Variants in COBL observed in about 807,000 individuals in gnomAD.
COBL encodes the protein protein cordon-bleu.
Under a neutral mutation model 98.8 loss-of-function variants are expected in COBL, and 51 were observed. The ratio of observed to expected loss-of-function variants is 0.52; its 90% CI spans 0.41 to 0.65. The LOEUF (loss-of-function observed/expected upper bound fraction) is 0.65. COBL is among the 30% of genes least tolerant of loss of function. The pLI is 0.00. For missense variants in COBL, 1,617 were observed against 1,617.5 expected (o/e 1.00, Z 0.01); for synonymous variants, 634 against 651.7 (o/e 0.97, Z 0.41).
intron 7 of COBL, among the ~76,000 whole-genome samples, chr7:51,079,947 T>C (rs12719028): frequency 0.3 from 46,110 of 152,198 alleles, 7,493 homozygotes; most frequent in Non-Finnish European, 0.38. Context: ...TCCAGGTAAA[T>C]GTGGTTTTCA....
At chr7:51,052,825 T>C (rs1208778023) in intron 7 of COBL, among the ~76,000 whole-genome samples, 1 of 152,228 alleles carries the variant, frequency 6.6e-6, no homozygotes, top group Non-Finnish European at 1.5e-5. Context: ...CCTTTTATCA[T>C]CAGAACTCTA....
chr7:51,051,487 C>T (rs1790231398), intron 7 of COBL, among the ~76,000 whole-genome samples: 1 of 152,150 alleles, frequency 6.6e-6, no homozygotes, highest in Non-Finnish European at 1.5e-5. Flanking sequence ...TTTTAAAGTT[C>T]TGTTCTATTT....
Position 51,122,241 on chromosome 7 carries a change from C to T in COBL, c.957+13917G>A, listed in dbSNP as rs118190248. Among the ~76,000 whole-genome samples, 999 of 152,326 alleles carry T rather than the reference C, an allele frequency of 6.6e-3. 3 individuals carry two copies. Among genetic ancestry groups the T allele is most frequent in the Non-Finnish European group, 0.011 (729 of 68,036 alleles). On this transcript the variant is annotated intron_variant, in intron 6 of 12. Coordinates refer to ENST00000265136, the MANE Select transcript of COBL (RefSeq NM_015198.5). ...GGTAGACGTTAAGCAACTAAAATAG[C>T]TCCAGCTTCCTTTCTCTGCACACTG...
rs184397956 is a variant in COBL, at chr7:51,127,357, C to A, written c.957+8801G>T. 3.4e-3 allele frequency among the ~76,000 whole-genome samples: 514 copies of A among 152,334 alleles called. 3 individuals carry two copies. Among genetic ancestry groups the A allele is most frequent in the African/African-American group, 0.011 (475 of 41,576 alleles). On this transcript the variant is annotated intron_variant, in intron 6 of 12. Coordinates refer to ENST00000265136, the MANE Select transcript of COBL (RefSeq NM_015198.5). ...CCCCAGCTTGTTAGGCTGCTGCCCACAACTAAACAGCGGAGCATGACTTAT... is the reference window on the plus strand; with the variant it reads ...CCCCAGCTTGTTAGGCTGCTGCCCAAAACTAAACAGCGGAGCATGACTTAT...
rs558280492 is a variant in COBL at position 51,123,904 on chromosome 7, C to T, written c.957+12254G>A. Among the ~76,000 whole-genome samples, 7 of 152,272 alleles carry T rather than the reference C, an allele frequency of 4.6e-5. No homozygotes were observed. In the South Asian group the frequency reaches 1.5e-3, roughly 32 times the overall value. ...GCACCCCCCTCTGCCAAGTGTTACACAACTCTCTTGGATTGAATCAGCATC... is the reference window on the plus strand; with the variant it reads ...GCACCCCCCTCTGCCAAGTGTTACATAACTCTCTTGGATTGAATCAGCATC... On this transcript the variant is annotated intron_variant, in intron 6 of 12. Transcript: ENST00000265136.
rs1327956793 is a variant in COBL, at chr7:51,263,246, C to CTTT, written c.42-43303_42-43302insAAA. ...AAAGGTGCAAGAGACACCCTCCAGC[C>CTTT]CTAGGCTCCTATGAGCAAGAGCACA... On this transcript the variant is annotated intron_variant, in intron 1 of 12. Transcript: ENST00000265136. 1.6e-3 allele frequency among the ~76,000 whole-genome samples: 238 copies of CTTT among 152,264 alleles called. 7 individuals are homozygous for CTTT. Among genetic ancestry groups the CTTT allele is most frequent in the Admixed American group, 0.015 (231 of 15,294 alleles).
intron 2 of COBL, among the ~76,000 whole-genome samples, chr7:51,213,680 G>A (rs1233092005): frequency 6.6e-6 from 1 of 152,138 alleles, no homozygotes; most frequent in Non-Finnish European, 1.5e-5. Flanking sequence ...TGAGAGGCCT[G>A]GGTCCCGGGC....
In COBL at chr7:51,030,838, A is replaced by G. The variant is rs1012807616; in HGVS notation, c.1478T>C (p.Leu493Pro). 1.2e-6 allele frequency: 2 copies of G among 1,612,382 alleles called. No homozygotes were observed. The highest frequency in any genetic ancestry group is 1.7e-5 in the Admixed American group (1 of 59,858). Residue 493 changes from leucine to proline, a missense_variant, in exon 9 of 13, where the codon CTT becomes CCT. Coordinates refer to ENST00000265136, the MANE Select transcript of COBL (RefSeq NM_015198.5). ...TTCCAGGTCTTCATCAAGTTCTGCA[A>G]GGGTTTTACGGAACTCTCCAGCAAT... ...LLIAGEFRKT[L>P]AELDEDLEEM...
At position 51,210,879 on chromosome 7, in the gene COBL, T is replaced by C. The variant is rs189914575; in HGVS notation, c.245+8862A>G. 2.1e-3 allele frequency among the ~76,000 whole-genome samples: 322 copies of C among 152,304 alleles called. 2 individuals carry two copies. Among genetic ancestry groups the C allele is most frequent in the African/African-American group, 7.3e-3 (304 of 41,568 alleles). On this transcript the variant is annotated intron_variant, in intron 2 of 12. Transcript: ENST00000265136. ...CAAACTCCAAACAGCCAGTTCTTTCTAGCCTCCTTTGATGCTACTGGAGAA... is the reference window on the plus strand; with the variant it reads ...CAAACTCCAAACAGCCAGTTCTTTCCAGCCTCCTTTGATGCTACTGGAGAA...
intron 12 of COBL, among the ~76,000 whole-genome samples, chr7:51,023,768 G>A (rs1300296570): frequency 6.6e-6 from 1 of 152,178 alleles, no homozygotes; most frequent in African/African-American, 2.4e-5. Flanking sequence ...AGTCCTACAT[G>A]AGAGTAGCTT....
chr7:51,301,078 T>C (rs1801913213), intron 1 of COBL, among the ~76,000 whole-genome samples: 1 of 152,100 alleles, frequency 6.6e-6, no homozygotes. Flanking sequence ...CACGCTGAGA[T>C]GAGGAGTGAG....
At chr7:51,090,216 C>A (rs930558337) in intron 6 of COBL, among the ~76,000 whole-genome samples, 1 of 152,054 alleles carries the variant, frequency 6.6e-6, no homozygotes, top group African/African-American at 2.4e-5. Context: ...AAAAGGAAGC[C>A]CCGCACCTCA....
rs566912580 is a variant in COBL at position 51,282,105 on chromosome 7, A to C, written c.41+34488T>G. ...GATACTAAAAAATCTCAAACAACTC[A>C]AAGATTGGAAAGAAGAAACAAGAAT... On this transcript the variant is annotated intron_variant, in intron 1 of 12. Coordinates refer to ENST00000265136, the MANE Select transcript of COBL (RefSeq NM_015198.5). Among the ~76,000 whole-genome samples the C allele has an allele frequency of 2.6e-3, 398 of 152,238 alleles. 1 individual carries two copies. The highest frequency in any genetic ancestry group is 4.2e-3 in the Non-Finnish European group (288 of 67,970).
intron 12 of COBL, chr7:51,023,139 T>C (rs1787111339): frequency 6.6e-6 from 1 of 152,134 alleles, no homozygotes; most frequent in Admixed American, 6.5e-5. Flanking sequence ...GAGCTGCACT[T>C]CAAGAGCCAT....
At chr7:51,234,332 C>G (rs1274348701) in intron 1 of COBL, among the ~76,000 whole-genome samples, 1 of 152,226 alleles carries the variant, frequency 6.6e-6, no homozygotes, top group Non-Finnish European at 1.5e-5. Context: ...GCCACCCACC[C>G]TCAGGCACAG....
chr7:51,314,090 C>G lies in COBL; in HGVS notation c.41+2503G>C, dbSNP rs183513570. 3.9e-5 allele frequency among the ~76,000 whole-genome samples: 6 copies of G among 152,298 alleles called. No individual in the cohort carries two copies. In the East Asian group the frequency reaches 9.6e-4, roughly 24 times the overall value. On this transcript the variant is annotated intron_variant, in intron 1 of 12. Transcript: ENST00000265136. ...TTTCACAAAGATAACTAATAACTAC[C>G]TGTTAATAATTTAGCCAGACACAGA...
At chr7:51,187,162 G>A (rs895897261) in intron 4 of COBL, among the ~76,000 whole-genome samples, 3 of 152,072 alleles carry the variant, frequency 2.0e-5, no homozygotes, top group South Asian at 2.1e-4. Context: ...AAAGACCAAC[G>A]AGTCCAAACC....
chr7:51,079,388 T>C (rs568619952), intron 7 of COBL, among the ~76,000 whole-genome samples: 13 of 152,232 alleles, frequency 8.5e-5, no homozygotes, highest in Non-Finnish European at 1.9e-4. Context: ...CACATTCCAC[T>C]ATAATTTGAT....
intron 7 of COBL, among the ~76,000 whole-genome samples, chr7:51,054,763 C>T (rs1276745951): frequency 6.6e-6 from 1 of 152,196 alleles, no homozygotes; most frequent in African/African-American, 2.4e-5. Flanking sequence ...CTTGGCTACG[C>T]ATTTACAATG....
Sources: gnomAD v4.1 joint callset for allele counts (sites outside exome capture counted in the v4.1 genomes callset) on GRCh38, gnomAD v4.1.1 for gene constraint, MANE v1.5 for transcripts, NCBI Gene and HGNC (gene_info 2026-07-23, HGNC 2026-07-21) for gene names.